PNPLA8: variants seen among roughly 807,000 people sequenced by gnomAD.
PNPLA8 encodes calcium-independent phospholipase A2-gamma.
PNPLA8 carries 39 observed loss-of-function variants against 76.9 expected under a neutral mutation model. The observed-to-expected ratio is 0.51, with a 90% CI of 0.39 to 0.66. The LOEUF is 0.66. PNPLA8 is among the 30% of genes least tolerant of loss of function. The pLI is 0.00. For synonymous variants in PNPLA8, 301 were observed against 307.9 expected, an observed-to-expected ratio of 0.98 and a Z score of 0.24; for missense variants, 887 against 918.0, an observed-to-expected ratio of 0.97 and a Z score of 0.44.
In PNPLA8 at chr7:108,478,939, T is replaced by C. The variant is rs544668002; in HGVS notation, c.2074+245A>G. On this transcript the variant is annotated intron_variant, in intron 10 of 10. Coordinates refer to ENST00000257694, the MANE Select transcript of PNPLA8 (RefSeq NM_001256007.3). Reference sequence around the variant, plus strand: ...AAATGTTGTGCTATCCAGCTTTAGGTACTTCTCCAACAGTAAGTGGGCAAA... The same window carrying C: ...AAATGTTGTGCTATCCAGCTTTAGGCACTTCTCCAACAGTAAGTGGGCAAA... Among the ~76,000 whole-genome samples, 9 of 152,366 alleles carry C rather than the reference T, an allele frequency of 5.9e-5. No individual in the cohort carries two copies. In the East Asian group the frequency reaches 1.7e-3, roughly 29 times the overall value.
intron 4 of PNPLA8, among the ~76,000 whole-genome samples, chr7:108,513,687 C>T (rs1222477258): frequency 2.0e-5 from 3 of 151,932 alleles, no homozygotes; most frequent in African/African-American, 4.8e-5. Flanking sequence ...CAAAGAAAAG[C>T]TCATTGTTTT....
At chr7:108,512,961 G>A (rs897695224) in intron 4 of PNPLA8, among the ~76,000 whole-genome samples, 2 of 152,108 alleles carry the variant, frequency 1.3e-5, no homozygotes, top group African/African-American at 4.8e-5. Context: ...TGTAAAAGAG[G>A]TTGAAGTGAG....
chr7:108,520,396 A>G (rs969864596), intron 2 of PNPLA8, among the ~76,000 whole-genome samples: 2 of 152,240 alleles, frequency 1.3e-5, no homozygotes, highest in African/African-American at 4.8e-5. Flanking sequence ...TCATGGAGAT[A>G]GAGAGTAGAA....
chr7:108,502,540 C>T lies in PNPLA8; in HGVS notation c.1309G>A (p.Val437Met). The change falls in exon 5 of 11, where the codon GTG (valine) becomes ATG (methionine). Residue 437 changes from valine to methionine, a missense_variant. Transcript: ENST00000257694. ...ILALIGYVDPVKGRGIRILSI... is the reference protein window; with the variant it reads ...ILALIGYVDPMKGRGIRILSI... Reference sequence around the variant, plus strand: ...AGAATTCGGATTCCTCTCCCTTTCACTGGATCCACATAGCCAATTAGGGCC... The same window carrying T: ...AGAATTCGGATTCCTCTCCCTTTCATTGGATCCACATAGCCAATTAGGGCC... 1 of 1,609,388 alleles carries T rather than the reference C, an allele frequency of 6.2e-7. No individual in the cohort carries two copies.
Position 108,471,449 on chromosome 7 carries a change from A to G in PNPLA8, c.*952T>C, listed in dbSNP as rs1335238042. Reference sequence around the variant, plus strand: ...AGGCTGGTCTTGGACTCCTGACGTCAGGTGATCTGCCTGCCTCGGCCTCCC... The same window carrying G: ...AGGCTGGTCTTGGACTCCTGACGTCGGGTGATCTGCCTGCCTCGGCCTCCC... On this transcript the variant is annotated 3_prime_UTR_variant, in exon 11 of 11. Transcript: ENST00000257694. 1 of 152,154 alleles carries G rather than the reference A, an allele frequency of 6.6e-6. No individual in the cohort carries two copies. The highest frequency in any genetic ancestry group is 2.4e-5 in the African/African-American group (1 of 41,418). 9.4% of individuals were successfully genotyped at this position (152,154 alleles called of 1,614,324 possible).
chr7:108,482,811 T>C (rs1342776971), intron 9 of PNPLA8, among the ~76,000 whole-genome samples: 1 of 152,258 alleles, frequency 6.6e-6, no homozygotes, highest in Middle Eastern at 3.2e-3. Flanking sequence ...TTTCCAATTA[T>C]TCTTTGCTTG....
At chr7:108,522,141 A>C (rs1467481951) in intron 1 of PNPLA8, among the ~76,000 whole-genome samples, 1 of 151,320 alleles carries the variant, frequency 6.6e-6, no homozygotes, top group African/African-American at 2.4e-5. Context: ...TAAAAATACA[A>C]AAATTAGCCG....
Position 108,496,735 on chromosome 7 carries a change from A to G in PNPLA8, c.1474T>C (p.Leu492=), listed in dbSNP as rs886651935. Reference sequence around the variant, plus strand: ...TCCAAGGGCATATGAAACAACCCCAACATGAAAGCTAATATGGCACCTGGA... The same window carrying G: ...TCCAAGGGCATATGAAACAACCCCAGCATGAAAGCTAATATGGCACCTGGA... The part of the protein sequence containing the change: ...VSTGAILAFM[L]GLFHMPLDEC... The change falls in exon 7 of 11, where the codon TTG becomes CTG. Residue 492 remains leucine, a synonymous_variant. Transcript: ENST00000257694. 39 of 1,610,550 alleles carry G rather than the reference A, an allele frequency of 2.4e-5. No individual in the cohort carries two copies. Among genetic ancestry groups the G allele is most frequent in the Admixed American group, 1.0e-4 (6 of 59,300 alleles).
intron 2 of PNPLA8, among the ~76,000 whole-genome samples, chr7:108,519,447 C>T (rs1863584506): frequency 1.3e-5 from 2 of 152,082 alleles, no homozygotes; most frequent in South Asian, 4.1e-4. Context: ...GCAGAGATTA[C>T]ATGTAGTCTA....
chr7:108,492,920 A>G (rs1861287321), intron 7 of PNPLA8, among the ~76,000 whole-genome samples: 1 of 152,212 alleles, frequency 6.6e-6, no homozygotes, highest in Non-Finnish European at 1.5e-5. Flanking sequence ...CTGAGGCTTG[A>G]TAAGTGCTTA....
intron 3 of PNPLA8, 58 bp downstream of exon 3, chr7:108,514,378 T>A: frequency 6.5e-7 from 1 of 1,546,616 alleles, no homozygotes; most frequent in Non-Finnish European, 8.8e-7. Context: ...CATTAGGAAA[T>A]AAAACTTATA....
intron 8 of PNPLA8, 152 bp from the exon 9 acceptor site, chr7:108,488,105 A>G (rs1206542529): frequency 2.2e-6 from 1 of 448,852 alleles, no homozygotes; most frequent in African/African-American, 2.0e-5. Flanking sequence ...ATCTTTTTAA[A>G]CAGGCATTTC....
At chr7:108,477,160 G>T (rs1001749470) in intron 10 of PNPLA8, among the ~76,000 whole-genome samples, 1 of 152,188 alleles carries the variant, frequency 6.6e-6, no homozygotes, top group Non-Finnish European at 1.5e-5. Flanking sequence ...ACACAAAATA[G>T]TAACTACGTC....
intron 9 of PNPLA8, among the ~76,000 whole-genome samples, chr7:108,487,272 T>G (rs1860801195): frequency 6.6e-6 from 1 of 152,192 alleles, no homozygotes; most frequent in Admixed American, 6.5e-5. Context: ...GAAATAACTC[T>G]ACCTCGTAAG....
intron 4 of PNPLA8, among the ~76,000 whole-genome samples, chr7:108,504,133 C>T (rs1011273752): frequency 1.3e-5 from 2 of 152,148 alleles, no homozygotes; most frequent in African/African-American, 2.4e-5. Context: ...TTGACCCTAA[C>T]TGAATTAAGG....
At chr7:108,504,984 G>T (rs185606199) in intron 4 of PNPLA8, among the ~76,000 whole-genome samples, 1 of 152,034 alleles carries the variant, frequency 6.6e-6, no homozygotes, top group Non-Finnish European at 1.5e-5. Flanking sequence ...GCTGAGGCAG[G>T]AGAATCATTT....
chr7:108,506,651 G>A (rs979728880), intron 4 of PNPLA8, among the ~76,000 whole-genome samples: 5 of 151,824 alleles, frequency 3.3e-5, no homozygotes, highest in Non-Finnish European at 5.9e-5. Flanking sequence ...TAGCAATAGA[G>A]GGAAAAATGA....
rs1437532849 is a variant in PNPLA8 at position 108,522,104 on chromosome 7, G to T, written c.-129-583C>A. On this transcript the variant is annotated intron_variant, in intron 1 of 10. Coordinates refer to ENST00000257694, the MANE Select transcript of PNPLA8 (RefSeq NM_001256007.3). ...AAGTCAGGAGTTCAAGACCAGCCTG[G>T]CCAATATGGTGAAACCCCGTCTCTA... 2.0e-5 allele frequency among the ~76,000 whole-genome samples: 3 copies of T among 151,528 alleles called. No individual in the cohort carries two copies. The East Asian group carries it at 5.8e-4, about 29-fold the overall frequency.
At chr7:108,496,838 T>C in intron 6 of PNPLA8, 83 bp from the exon 7 acceptor site, 5 of 1,114,858 alleles carry the variant, frequency 4.5e-6, no homozygotes, top group South Asian at 4.5e-5. Context: ...AGTTTTGGCT[T>C]AAATTTTAGC....
Sources: allele counts gnomAD v4.1 joint callset (sites outside exome capture counted in the v4.1 genomes callset), GRCh38; gene constraint gnomAD v4.1.1; transcripts MANE v1.5; gene names NCBI Gene and HGNC (gene_info 2026-07-23, HGNC 2026-07-21).